Variants in RBFOX1 observed in about 807,000 individuals in gnomAD.
The protein encoded by RBFOX1 is RNA binding fox-1 homolog 1, also known as RNA binding protein fox-1 homolog 1.
In RBFOX1, 8 loss-of-function variants were observed where a neutral mutation model predicts 57.7. The ratio of observed to expected loss-of-function variants is 0.14; its 90% CI spans 0.08 to 0.25. The LOEUF (loss-of-function observed/expected upper bound fraction) is 0.25, where lower values mean the gene tolerates loss of function less well. Among genes scored for constraint, RBFOX1 ranks in the 10% least tolerant of loss-of-function variants. RBFOX1 has a pLI of 1.00. For synonymous variants in RBFOX1, 326 were observed against 222.4 expected (o/e 1.47, Z -4.15); for missense variants, 611 against 548.5 (o/e 1.11, Z -1.14).
intron 3 of RBFOX1, among the ~76,000 whole-genome samples, chr16:5,866,160 G>A (rs1203767509): frequency 6.6e-6 from 1 of 152,076 alleles, no homozygotes; most frequent in Admixed American, 6.5e-5. Context: ...GTAGGGATGG[G>A]GTTTCACCAT....
chr16:7,637,766 G>A (rs536610928), intron 11 of RBFOX1, among the ~76,000 whole-genome samples: 1 of 152,214 alleles, frequency 6.6e-6, no homozygotes, highest in Non-Finnish European at 1.5e-5. Flanking sequence ...TTTTATGGAG[G>A]GGGTGCTTAA....
rs376181722 is a variant in RBFOX1 at position 6,231,438 on chromosome 16, T to C, written c.-126-85557T>C. 4.6e-5 allele frequency among the ~76,000 whole-genome samples: 7 copies of C among 152,316 alleles called. 1 individual carries two copies. The highest frequency in any genetic ancestry group is 1.7e-4 in the African/African-American group (7 of 41,592). ...CATGGAAGGAATCCTACCCAGGTGC[T>C]ATATAAAGATAAGGATAGGGAGCCT... is the stretch of plus-strand genomic sequence containing the variant. On this transcript the variant is annotated intron_variant, in intron 1 of 15. Transcript: ENST00000550418.
intron 3 of RBFOX1, among the ~76,000 whole-genome samples, chr16:6,659,851 G>A (rs115544889): frequency 6.6e-6 from 1 of 152,098 alleles, no homozygotes; most frequent in African/African-American, 2.4e-5. Context: ...CTGGAGTGCT[G>A]ACCTCAGTTT....
intron 4 of RBFOX1, among the ~76,000 whole-genome samples, chr16:7,293,000 G>C (rs1165212262): frequency 6.6e-6 from 1 of 152,054 alleles, no homozygotes; most frequent in Non-Finnish European, 1.5e-5. Context: ...AGAGGGAAGA[G>C]GAAAAGGAAG....
At chr16:6,314,690 T>G (rs1169386297) in intron 1 of RBFOX1, among the ~76,000 whole-genome samples, 1 of 152,188 alleles carries the variant, frequency 6.6e-6, no homozygotes, top group African/African-American at 2.4e-5. Flanking sequence ...AGGTTGAACC[T>G]GACCATGGTA....
At chr16:5,446,216 A>G (rs1015074382) in intron 1 of RBFOX1, among the ~76,000 whole-genome samples, 2 of 152,138 alleles carry the variant, frequency 1.3e-5, no homozygotes, top group African/African-American at 2.4e-5. Flanking sequence ...CCACATGGAG[A>G]CATTTTTCAA....
Position 6,670,110 on chromosome 16 carries a change from C to G in RBFOX1, c.-16+15460C>G, listed in dbSNP as rs574723750. On this transcript the variant is annotated intron_variant, in intron 3 of 15. Transcript: ENST00000550418. ...GATCATGGCTCACTGCAACCTCACC[C>G]TCCTGGGCACAAGTAGTTATATAGT... Among the ~76,000 whole-genome samples, 21 of 152,328 alleles carry G rather than the reference C, an allele frequency of 1.4e-4. No individual in the cohort carries two copies. In the South Asian group the frequency reaches 4.4e-3, roughly 32 times the overall value.
At position 7,052,783 on chromosome 16, in the gene RBFOX1, T is replaced by G. The variant is rs554084934; in HGVS notation, c.27+685T>G. Among the ~76,000 whole-genome samples the G allele has an allele frequency of 3.3e-5, 5 of 152,298 alleles. No homozygotes were observed. The South Asian group carries it at 1.0e-3, about 32-fold the overall frequency. On this transcript the variant is annotated intron_variant, in intron 4 of 15. Coordinates refer to ENST00000550418, the MANE Select transcript of RBFOX1 (RefSeq NM_018723.4). ...TTCTTCTTGGTATGGGGATGGCATT[T>G]TAAGAAACTTTGGGATTTCTTCCCA...
intron 4 of RBFOX1, among the ~76,000 whole-genome samples, chr16:5,893,256 T>C (rs770330302): frequency 6.6e-6 from 1 of 152,240 alleles, no homozygotes; most frequent in Non-Finnish European, 1.5e-5. Flanking sequence ...TAGCATAGTA[T>C]TTTACAAGTA....
At chr16:7,630,240 G>GT (rs546924779) in intron 10 of RBFOX1, among the ~76,000 whole-genome samples, 1 of 152,032 alleles carries the variant, frequency 6.6e-6, no homozygotes, top group Non-Finnish European at 1.5e-5. Context: ...ATCACACAGT[G>GT]AAGAGGTGTC....
At chr16:7,700,080 G>T (rs1369590070) in intron 14 of RBFOX1, among the ~76,000 whole-genome samples, 1 of 152,070 alleles carries the variant, frequency 6.6e-6, no homozygotes, top group East Asian at 1.9e-4. Context: ...TGCTTGTTTT[G>T]TCTTAATCTT....
At chr16:5,748,816 C>G (rs2053082662) in intron 3 of RBFOX1, among the ~76,000 whole-genome samples, 1 of 152,152 alleles carries the variant, frequency 6.6e-6, no homozygotes, top group African/African-American at 2.4e-5. Flanking sequence ...GGTCTTGACT[C>G]TTTATCCAAT....
intron 3 of RBFOX1, among the ~76,000 whole-genome samples, chr16:6,743,721 C>T (rs1487461629): frequency 6.6e-6 from 1 of 151,574 alleles, no homozygotes. Flanking sequence ...CCAGCCTGCA[C>T]TCCACTGCAC....
At chr16:5,846,696 A>T (rs1218293046) in intron 3 of RBFOX1, among the ~76,000 whole-genome samples, 2 of 152,132 alleles carry the variant, frequency 1.3e-5, no homozygotes, top group Non-Finnish European at 2.9e-5. Flanking sequence ...GGTTCTTATT[A>T]TTTTAAGGGC....
chr16:5,673,694 T>G (rs569445782), intron 3 of RBFOX1, among the ~76,000 whole-genome samples: 1 of 152,340 alleles, frequency 6.6e-6, no homozygotes, highest in Non-Finnish European at 1.5e-5. Flanking sequence ...TCTCCTTCTC[T>G]AGCTACTTAT....
intron 1 of RBFOX1, among the ~76,000 whole-genome samples, chr16:6,183,337 A>C (rs186637496): frequency 9.8e-4 from 148 of 151,794 alleles, no homozygotes; most frequent in African/African-American, 3.2e-3. Flanking sequence ...AAAATTAGCC[A>C]GGTGCGGTGC....
intron 3 of RBFOX1, among the ~76,000 whole-genome samples, chr16:6,812,626 C>T (rs1443663603): frequency 6.6e-6 from 1 of 152,164 alleles, no homozygotes; most frequent in African/African-American, 2.4e-5. Context: ...ATCCACCCGC[C>T]TCAGCCTACC....
At chr16:5,814,991 CTT>C (rs1407190238) in intron 3 of RBFOX1, among the ~76,000 whole-genome samples, 1 of 145,868 alleles carries the variant, frequency 6.9e-6, no homozygotes. Context: ...TTCTTTCTTT[CTT>C]TTTTTTTTTA....
intron 3 of RBFOX1, among the ~76,000 whole-genome samples, chr16:6,829,660 G>T (rs965602931): frequency 6.6e-6 from 1 of 152,022 alleles, no homozygotes; most frequent in South Asian, 2.1e-4. Context: ...GCAGTGCAGG[G>T]GCGTGATCTT....
Sources: gnomAD v4.1 joint callset for allele counts (sites outside exome capture counted in the v4.1 genomes callset) on GRCh38, gnomAD v4.1.1 for gene constraint, MANE v1.5 for transcripts, NCBI Gene and HGNC (gene_info 2026-07-23, HGNC 2026-07-21) for gene names.